The following RNF220 variants were observed in gnomAD, a reference collection of about 807,000 sequenced individuals.
RNF220 encodes E3 ubiquitin-protein ligase RNF220.
A neutral mutation model predicts 67.1 loss-of-function variants in RNF220; 7 were observed. The ratio of observed to expected loss-of-function variants is 0.10; its 90% CI spans 0.06 to 0.20. The LOEUF (loss-of-function observed/expected upper bound fraction) is 0.20. RNF220 is among the 10% of genes least tolerant of loss of function. RNF220 has a pLI of 1.00. For synonymous variants in RNF220, 270 were observed against 283.2 expected, an observed-to-expected ratio of 0.95 and a Z score of 0.47; for missense variants, 565 against 740.3, an observed-to-expected ratio of 0.76 and a Z score of 2.75.
intron 2 of RNF220, among the ~76,000 whole-genome samples, chr1:44,571,977 T>A (rs1572915131): frequency 6.6e-6 from 1 of 152,182 alleles, no homozygotes. Flanking sequence ...TCCCTCCATT[T>A]CCAAGGCTCC....
In RNF220 at chr1:44,620,296, G is replaced by A. The variant is rs755521690; in HGVS notation, c.759-2446G>A. On this transcript the variant is annotated intron_variant, in intron 3 of 14. Transcript: ENST00000361799. ...GTGAAGTTTCAATGAGATAACACATGTTAAGGCCTGCGCCTGTCACATACA... is the reference window on the plus strand; with the variant it reads ...GTGAAGTTTCAATGAGATAACACATATTAAGGCCTGCGCCTGTCACATACA... Among the ~76,000 whole-genome samples, 42 of 152,212 alleles carry A rather than the reference G, an allele frequency of 2.8e-4. 1 individual carries two copies. Among genetic ancestry groups the A allele is most frequent in the Non-Finnish European group, 4.7e-4 (32 of 68,036 alleles).
chr1:44,632,765 G>T (rs1179293310), intron 6 of RNF220: 2 of 287,566 alleles, frequency 7.0e-6, no homozygotes, highest in African/African-American at 4.2e-5. Flanking sequence ...TTTTTAATCA[G>T]TGCCCAGTAG....
At chr1:44,627,937 G>A (rs539363324) in intron 5 of RNF220, among the ~76,000 whole-genome samples, 33 of 152,324 alleles carry the variant, frequency 2.2e-4, no homozygotes, top group Middle Eastern at 6.8e-3. Context: ...AGACTCCGCC[G>A]AATGCCTTTG....
Position 44,650,365 on chromosome 1 carries a change from C to G in RNF220, c.1630-339C>G, listed in dbSNP as rs944957884. ...CAGGAGCAGCCATTAAAATGTCGCC[C>G]GGAGACAGTAATAAAAGGCTCGGAC... On this transcript the variant is annotated intron_variant, in intron 14 of 14. Coordinates refer to ENST00000361799, the MANE Select transcript of RNF220 (RefSeq NM_018150.4). The surrounding 1 kb of genome is among the most constrained non-coding windows in gnomAD (Gnocchi z 4.3). 1 of 468,888 alleles carries G rather than the reference C, an allele frequency of 2.1e-6. No homozygotes were observed. The highest frequency in any genetic ancestry group is 3.9e-6 in the Non-Finnish European group (1 of 256,788). The allele number at this position is 468,888 out of a possible 1,614,324, so 29.0% of individuals were successfully genotyped here. A position where few individuals can be genotyped will look rare whatever the true frequency, so the allele number is the denominator to read the frequency against.
chr1:44,441,318 A>C (rs1369669231), intron 2 of RNF220, among the ~76,000 whole-genome samples: 1 of 152,146 alleles, frequency 6.6e-6, no homozygotes, highest in Non-Finnish European at 1.5e-5. Flanking sequence ...GTTAAGGAGA[A>C]TATTACCATC....
chr1:44,617,448 T>A (rs998537412), intron 3 of RNF220, among the ~76,000 whole-genome samples: 2 of 152,126 alleles, frequency 1.3e-5, no homozygotes, highest in South Asian at 2.1e-4. Flanking sequence ...TTGGAAAAAA[T>A]TTGCGAATTA....
At chr1:44,495,490 G>A (rs1264352414) in intron 2 of RNF220, among the ~76,000 whole-genome samples, 1 of 152,234 alleles carries the variant, frequency 6.6e-6, no homozygotes, top group Admixed American at 6.5e-5. Context: ...TGCTTTGGAA[G>A]CATGTAGTTA....
chr1:44,553,687 A>G (rs1177799920), intron 2 of RNF220, among the ~76,000 whole-genome samples: 1 of 152,204 alleles, frequency 6.6e-6, no homozygotes, highest in African/African-American at 2.4e-5. Flanking sequence ...TCTGGAATAA[A>G]TATATGGTCC....
rs546353401 is a variant in RNF220 at position 44,420,657 on chromosome 1, A to G, written c.625+7935A>G. Among the ~76,000 whole-genome samples, 6 of 152,266 alleles carry G rather than the reference A, an allele frequency of 3.9e-5. No homozygotes were observed. The East Asian group carries it at 1.2e-3, about 29-fold the overall frequency. ...GGGGAGGCAATGTAACATAGTCACT[A>G]TGAGTTTGGCCTCTGGAGTTAAGTC... On this transcript the variant is annotated intron_variant, in intron 2 of 14. Coordinates refer to ENST00000361799, the MANE Select transcript of RNF220 (RefSeq NM_018150.4).
intron 8 of RNF220, among the ~76,000 whole-genome samples, chr1:44,640,510 G>A (rs1644456299): frequency 6.6e-6 from 1 of 152,248 alleles, no homozygotes; most frequent in Admixed American, 6.5e-5. Flanking sequence ...CTAGGACAGA[G>A]GGAGTGCAGG....
At chr1:44,556,767 G>A (rs1332692597) in intron 2 of RNF220, among the ~76,000 whole-genome samples, 3 of 152,034 alleles carry the variant, frequency 2.0e-5, no homozygotes, top group Non-Finnish European at 4.4e-5. Context: ...CACTGTGTTA[G>A]CCAGGATGGT....
At chr1:44,591,380 C>T (rs1429282771) in intron 2 of RNF220, among the ~76,000 whole-genome samples, 1 of 152,264 alleles carries the variant, frequency 6.6e-6, no homozygotes, top group Non-Finnish European at 1.5e-5. Context: ...TGCGCAATGC[C>T]CTTGCAGGCC....
intron 2 of RNF220, among the ~76,000 whole-genome samples, chr1:44,511,590 C>T (rs1417384647): frequency 1.3e-5 from 2 of 152,142 alleles, no homozygotes; most frequent in African/African-American, 4.8e-5. Context: ...TGATAGAAAG[C>T]AGGTAGGAGA....
At chr1:44,617,718 AC>A (rs1406978068) in intron 3 of RNF220, among the ~76,000 whole-genome samples, 4 of 152,314 alleles carry the variant, frequency 2.6e-5, no homozygotes, top group Non-Finnish European at 4.4e-5. Context: ...GGGGCCTGAA[AC>A]CAGCCATTTC....
At chr1:44,509,278 T>C (rs986843013) in intron 2 of RNF220, among the ~76,000 whole-genome samples, 2 of 152,050 alleles carry the variant, frequency 1.3e-5, no homozygotes, top group Non-Finnish European at 2.9e-5. Context: ...CAGCCGGGTG[T>C]GGTGGCTCAC....
At chr1:44,537,335 A>G (rs1661314607) in intron 2 of RNF220, among the ~76,000 whole-genome samples, 1 of 152,122 alleles carries the variant, frequency 6.6e-6, no homozygotes, top group Admixed American at 6.5e-5. Flanking sequence ...CATTCCAATT[A>G]CCATAATTGA....
intron 2 of RNF220, among the ~76,000 whole-genome samples, chr1:44,579,049 G>A (rs1219404048): frequency 1.3e-5 from 2 of 151,804 alleles, no homozygotes; most frequent in Admixed American, 6.6e-5. Flanking sequence ...CCAGCTACTC[G>A]GGAGGCTGAG....
intron 2 of RNF220, among the ~76,000 whole-genome samples, chr1:44,531,405 A>C (rs1178379363): frequency 2.0e-5 from 3 of 152,138 alleles, no homozygotes; most frequent in African/African-American, 7.2e-5. Flanking sequence ...TTCAAAACTC[A>C]GCTCCAGTAT....
rs578130066 is a variant in RNF220, at chr1:44,624,670, G to A, written c.805-1627G>A. 1.3e-5 allele frequency among the ~76,000 whole-genome samples: 2 copies of A among 152,230 alleles called. No homozygotes were observed. Among genetic ancestry groups the A allele is most frequent in the South Asian group, 4.2e-4 (2 of 4,814 alleles). On this transcript the variant is annotated intron_variant, in intron 4 of 14. Transcript: ENST00000361799. The surrounding 1 kb of genome is among the most constrained non-coding windows in gnomAD (Gnocchi z 4.2). ...TTCAAGCAAGAGACTGAAAGGACAG[G>A]GAGAAGGAGGGAGGGAGGAGGAGGA... is the stretch of plus-strand genomic sequence containing the variant.
Sources: gnomAD v4.1 joint callset for allele counts (sites outside exome capture counted in the v4.1 genomes callset) on GRCh38, gnomAD v4.1.1 for gene constraint, Gnocchi (gnomAD v3.1) non-coding constraint, MANE v1.5 for transcripts, NCBI Gene and HGNC (gene_info 2026-07-23, HGNC 2026-07-21) for gene names.